Variants in KIF1B observed in about 807,000 individuals in gnomAD.
KIF1B encodes the protein kinesin-like protein KIF1B.
A neutral mutation model predicts 241.9 loss-of-function variants in KIF1B; 76 were observed. The ratio of observed to expected loss-of-function variants is 0.31; its 90% CI spans 0.26 to 0.38. The LOEUF (loss-of-function observed/expected upper bound fraction) is 0.38, where lower values mean the gene tolerates loss of function less well. Among genes scored for constraint, KIF1B ranks in the 10% least tolerant of loss-of-function variants. The pLI, the probability that KIF1B is intolerant of heterozygous loss-of-function variation, is 1.00. For missense variants in KIF1B, 1,622 were observed against 2,271.4 expected, an observed-to-expected ratio of 0.71 and a Z score of 5.81; for synonymous variants, 750 against 796.7, an observed-to-expected ratio of 0.94 and a Z score of 0.99.
intron 2 of KIF1B, among the ~76,000 whole-genome samples, chr1:10,243,311 C>T (rs559666524): frequency 2.0e-5 from 3 of 152,162 alleles, no homozygotes; most frequent in East Asian, 1.9e-4. Flanking sequence ...CCTAGCTACT[C>T]GGGAGGCTGA....
At chr1:10,354,444 T>G (rs1357176722) in intron 38 of KIF1B, among the ~76,000 whole-genome samples, 1 of 152,186 alleles carries the variant, frequency 6.6e-6, no homozygotes, top group Non-Finnish European at 1.5e-5. Flanking sequence ...TCCTTTAAAT[T>G]TTTTATCATT....
chr1:10,355,871 A>G (rs536593353), intron 38 of KIF1B, among the ~76,000 whole-genome samples: 1 of 152,158 alleles, frequency 6.6e-6, no homozygotes, highest in South Asian at 2.1e-4. Flanking sequence ...AGCTGAGTCT[A>G]TGAGAAATAT....
intron 22 of KIF1B, among the ~76,000 whole-genome samples, chr1:10,315,180 T>C (rs1465870527): frequency 2.1e-5 from 3 of 143,228 alleles, no homozygotes; most frequent in East Asian, 2.0e-4. Context: ...TCTTTTTTTT[T>C]TTTTTTTTTT....
intron 1 of KIF1B, among the ~76,000 whole-genome samples, chr1:10,231,976 C>G (rs1646989266): frequency 6.6e-6 from 1 of 151,680 alleles, no homozygotes; most frequent in Admixed American, 6.6e-5. Flanking sequence ...TCGGGGAGGC[C>G]AGGCACAGTG....
intron 43 of KIF1B, among the ~76,000 whole-genome samples, chr1:10,367,628 A>G (rs1265467346): frequency 1.3e-5 from 2 of 150,094 alleles, no homozygotes; most frequent in African/African-American, 4.9e-5. Flanking sequence ...TTCACTTCCC[A>G]GGTTCAAGCG....
chr1:10,218,424 A>G (rs1184671624), intron 1 of KIF1B, among the ~76,000 whole-genome samples: 2 of 148,128 alleles, frequency 1.4e-5, no homozygotes, highest in East Asian at 1.9e-4. Flanking sequence ...TCTTTGTGCA[A>G]CTTTTTTTTT....
intron 38 of KIF1B, 89 bp downstream of exon 38, chr1:10,352,825 G>C (rs981853313): frequency 2.2e-6 from 2 of 916,554 alleles, no homozygotes; most frequent in African/African-American, 3.2e-5. Context: ...ATGACTCCCA[G>C]TTCGGACAAA....
At chr1:10,307,998 T>G (rs778803188) in intron 22 of KIF1B, 200 of 1,057,406 alleles carry the variant, frequency 1.9e-4, no homozygotes, top group Non-Finnish European at 2.2e-4. Context: ...GAAGTGACCT[T>G]TTGTGCTTTA....
chr1:10,248,621 T>C (rs577119494), intron 2 of KIF1B, among the ~76,000 whole-genome samples: 6 of 152,358 alleles, frequency 3.9e-5, no homozygotes, highest in Admixed American at 2.0e-4. Flanking sequence ...CTTTATGTTA[T>C]ACAAATGGAG....
intron 26 of KIF1B, among the ~76,000 whole-genome samples, chr1:10,325,148 A>G (rs551116049): frequency 6.6e-6 from 1 of 152,340 alleles, no homozygotes; most frequent in South Asian, 2.1e-4. Context: ...AAACTTACAA[A>G]GTGTTCTGTA....
rs1281441085 is a variant in KIF1B at position 10,215,159 on chromosome 1, TATATATATATA to T, written c.-80+4282_-80+4292del. Among the ~76,000 whole-genome samples, 91 of 70,280 alleles carry T rather than the reference TATATATATATA, an allele frequency of 1.3e-3. 2 individuals are homozygous for T. The highest frequency in any genetic ancestry group is 7.6e-3 in the African/African-American group (84 of 11,086). The allele number at this position is 70,280 out of a possible 152,430, so 46.1% of individuals were successfully genotyped here. A position where few individuals can be genotyped will look rare whatever the true frequency, so the allele number is the denominator to read the frequency against. The stretch of plus-strand genomic sequence containing the variant: ...TATTTTATATATATATATATATATA[TATATATATATA>T]TATTTTTTTTTTTTTTTTTTTTTGA... On this transcript the variant is annotated intron_variant, in intron 1 of 48. Coordinates refer to ENST00000676179, the MANE Select transcript of KIF1B (RefSeq NM_001365951.3).
At chr1:10,245,572 G>A (rs1647198740) in intron 2 of KIF1B, among the ~76,000 whole-genome samples, 1 of 152,182 alleles carries the variant, frequency 6.6e-6, no homozygotes, top group African/African-American at 2.4e-5. Flanking sequence ...ATAAAGGAAG[G>A]ATCATTTTTC....
Position 10,296,565 on chromosome 1 carries a change from G to C in KIF1B, c.1778-17G>C. 1 of 1,597,098 alleles carries C rather than the reference G, an allele frequency of 6.3e-7. No individual in the cohort carries two copies. The highest frequency in any genetic ancestry group is 1.7e-5 in the Admixed American group (1 of 59,938). ...TAGTTTGTAATGATAACATTAGTTT[G>C]TGTTTGTTCCTCTTAGTTATCGTGA... On this transcript the variant is annotated splice_polypyrimidine_tract_variant and intron_variant, in intron 19 of 48. Transcript: ENST00000676179.
At chr1:10,371,110 A>G (rs755412139) in intron 44 of KIF1B, 31 bp from the exon 45 acceptor site, 17 of 1,613,436 alleles carry the variant, frequency 1.1e-5, no homozygotes, top group Non-Finnish European at 8.5e-7. Context: ...TTTCAGCTGA[A>G]TGTAACTTGT....
intron 32 of KIF1B, 25 bp downstream of exon 32, chr1:10,339,884 A>T: frequency 6.3e-7 from 1 of 1,593,448 alleles, no homozygotes; most frequent in Non-Finnish European, 8.6e-7. Flanking sequence ...CCTTTTTGCC[A>T]AACATATGTT....
At chr1:10,305,537 A>G in intron 22 of KIF1B, 1 of 1,060,056 alleles carries the variant, frequency 9.4e-7, no homozygotes, top group East Asian at 5.2e-5. Context: ...ATGGGGGACA[A>G]AGCTACAGCA....
intron 22 of KIF1B, chr1:10,306,784 A>AAAAT: frequency 5.8e-6 from 5 of 861,256 alleles, no homozygotes; most frequent in Non-Finnish European, 7.1e-6. Flanking sequence ...AAAAAAAAAA[A>AAAAT]GGTAATATTT....
rs759368169 is a variant in KIF1B at position 10,292,050 on chromosome 1, G to A, written c.1518G>A (p.Glu506=). 2.5e-6 allele frequency: 4 copies of A among 1,613,696 alleles called. No homozygotes were observed. The Admixed American group carries it at 6.7e-5, about 27-fold the overall frequency. ...GATATACCTGTTTTTTTCCTAGAGA[G>A]GCTTTGTTGGCTGAGATGGGAGTTG... The part of the protein sequence containing the change: ...RKTEAIRMER[E]ALLAEMGVAI... The change falls in exon 17 of 49, where the codon GAG becomes GAA. Residue 506 remains glutamate (E), a synonymous_variant. Transcript: ENST00000676179.
chr1:10,300,274 A>C (rs950084828), intron 22 of KIF1B, among the ~76,000 whole-genome samples: 5 of 149,400 alleles, frequency 3.3e-5, no homozygotes, highest in Admixed American at 3.3e-4. Context: ...TAATATAGAT[A>C]AATATAAAAA....
Sources: allele counts gnomAD v4.1 joint callset (sites outside exome capture counted in the v4.1 genomes callset), GRCh38; gene constraint gnomAD v4.1.1; transcripts MANE v1.5; gene names NCBI Gene and HGNC (gene_info 2026-07-23, HGNC 2026-07-21).